MMP12: variants seen among roughly 807,000 people sequenced by gnomAD.
The protein encoded by MMP12 is macrophage metalloelastase.
In MMP12, 51 loss-of-function variants were observed where a neutral mutation model predicts 45.2. The ratio of observed to expected loss-of-function variants is 1.13; its 90% CI spans 0.90 to 1.42. The LOEUF (loss-of-function observed/expected upper bound fraction) is 1.42. Among genes scored for constraint, MMP12 ranks in the 40% most tolerant of loss-of-function variants. The probability of loss-of-function intolerance (pLI) is 0.00; values close to 1 mark genes in which losing one functional copy is unlikely to be tolerated. For missense variants in MMP12, 530 were observed against 570.8 expected, an observed-to-expected ratio of 0.93 and a Z score of 0.73; for synonymous variants, 210 against 193.3, an observed-to-expected ratio of 1.09 and a Z score of -0.72.
At position 102,866,527 on chromosome 11, in the gene MMP12, T is replaced by C. The variant is rs1555008591; in HGVS notation, c.912-79A>G. ...ATGGCATGTGAATGGGAGGGAACTG[T>C]GAAAAGACCCAATATTTCTTTCCAT... On this transcript the variant is annotated intron_variant, in intron 6 of 9. Coordinates refer to ENST00000571244, the MANE Select transcript of MMP12 (RefSeq NM_002426.6). 3 of 1,422,620 alleles carry C rather than the reference T, an allele frequency of 2.1e-6. No homozygotes were observed. In the African/African-American group the frequency reaches 4.3e-5, roughly 20 times the overall value. The allele number at this position is 1,422,620 out of a possible 1,614,324, so 88.1% of individuals were successfully genotyped here. A position where few individuals can be genotyped will look rare whatever the true frequency, so the allele number is the denominator to read the frequency against.
Position 102,867,936 on chromosome 11 carries a change from A to C in MMP12, c.759T>G (p.Asp253Glu). 6.2e-7 allele frequency: 1 copy of C among 1,610,584 alleles called. No homozygotes were observed. The highest frequency in any genetic ancestry group is 8.5e-7 in the Non-Finnish European group (1 of 1,178,556). Residue 253 changes from aspartate to glutamate, a missense_variant, in exon 5 of 10, where the codon GAT (aspartate) becomes GAG (glutamate). Coordinates refer to ENST00000571244, the MANE Select transcript of MMP12 (RefSeq NM_002426.6). ...VDINTFRLSADDIRGIQSLYG... is the reference protein window; with the variant it reads ...VDINTFRLSAEDIRGIQSLYG... ...ACAGGGACTGAATGCCACGTATGTC[A>C]TCAGCAGAGAGGCGAAATGTGTTGA...
At chr11:102,869,958 C>A (rs782563069) in intron 4 of MMP12, among the ~76,000 whole-genome samples, 1 of 152,016 alleles carries the variant, frequency 6.6e-6, no homozygotes, top group African/African-American at 2.4e-5. Context: ...ACAACAAAAA[C>A]GGCTGAAAAT....
intron 4 of MMP12, 95 bp downstream of exon 4, chr11:102,871,499 T>C (rs1859494327): frequency 7.0e-7 from 1 of 1,438,558 alleles, no homozygotes; most frequent in Admixed American, 2.2e-5. Flanking sequence ...GAATGTAGTC[T>C]CTCGAAACCA....
intron 2 of MMP12, 40 bp downstream of exon 2, chr11:102,872,825 G>A (rs1859524861): frequency 1.2e-6 from 2 of 1,603,782 alleles, no homozygotes; most frequent in South Asian, 2.2e-5. Flanking sequence ...CAGACCTATG[G>A]GAAAGTAGAA....
chr11:102,873,636 G>A (rs1591122951), intron 1 of MMP12, among the ~76,000 whole-genome samples: 2 of 152,050 alleles, frequency 1.3e-5, no homozygotes, highest in South Asian at 4.2e-4. Flanking sequence ...AAAAAACAAA[G>A]ACATGTCATA....
chr11:102,871,983 A>T (rs1555009456), intron 2 of MMP12, 31 bp from the exon 3 acceptor site: 2 of 1,577,136 alleles, frequency 1.3e-6, no homozygotes, highest in Admixed American at 1.9e-5. Context: ...AGAAAAATGT[A>T]TGGAAGGCAG....
At chr11:102,866,554 G>A in intron 6 of MMP12, 106 bp from the exon 7 acceptor site, 4 of 1,123,292 alleles carry the variant, frequency 3.6e-6, no homozygotes, top group Middle Eastern at 2.0e-4. Context: ...TCTTTCCATT[G>A]TCTTCACATT....
At chr11:102,868,167 T>G in intron 4 of MMP12, 98 bp from the exon 5 acceptor site, 1 of 1,096,070 alleles carries the variant, frequency 9.1e-7, no homozygotes, top group Non-Finnish European at 1.3e-6. Flanking sequence ...TTTGAGAATC[T>G]TTTACTTATT....
chr11:102,863,701 G>A (rs1392111307), intron 9 of MMP12, among the ~76,000 whole-genome samples: 2 of 152,146 alleles, frequency 1.3e-5, no homozygotes, highest in Admixed American at 6.5e-5. Context: ...ACAAACTCAA[G>A]CTTTTCTTAA....
At chr11:102,864,618 T>A (rs1555008261) in intron 8 of MMP12, among the ~76,000 whole-genome samples, 1 of 152,144 alleles carries the variant, frequency 6.6e-6, no homozygotes. Context: ...AAATACCCAT[T>A]TCCCCCAAGA....
intron 4 of MMP12, 25 bp downstream of exon 4, chr11:102,871,569 T>G: frequency 6.5e-7 from 1 of 1,548,468 alleles, no homozygotes; most frequent in Non-Finnish European, 8.7e-7. Flanking sequence ...AGTTTTTTGT[T>G]TGTTTGTTTG....
At chr11:102,872,648 A>G (rs1859521611) in intron 2 of MMP12, among the ~76,000 whole-genome samples, 1 of 152,160 alleles carries the variant, frequency 6.6e-6, no homozygotes, top group South Asian at 2.1e-4. Flanking sequence ...GCCTATTTGC[A>G]GCTTTTAAAA....
intron 4 of MMP12, among the ~76,000 whole-genome samples, chr11:102,869,581 T>C (rs532706817): frequency 6.6e-6 from 1 of 152,184 alleles, no homozygotes; most frequent in Admixed American, 6.5e-5. Context: ...TCAGCAAACA[T>C]TGACCTATTT....
chr11:102,871,748 T>C (rs1296820165), intron 3 of MMP12, 29 bp from the exon 4 acceptor site: 1 of 1,613,420 alleles, frequency 6.2e-7, no homozygotes, highest in Non-Finnish European at 8.5e-7. Context: ...AAATTAGTCC[T>C]TCTATACATC....
In MMP12 at chr11:102,865,775, C is replaced by A; in HGVS notation, c.1205+1G>T. 1 of 1,607,622 alleles carries A rather than the reference C, an allele frequency of 6.2e-7. No individual in the cohort carries two copies. The highest frequency in any genetic ancestry group is 1.1e-5 in the South Asian group (1 of 89,912). On this transcript the variant is annotated splice_donor_variant, in intron 8 of 9. Coordinates refer to ENST00000571244, the MANE Select transcript of MMP12 (RefSeq NM_002426.6). LOFTEE classifies it high-confidence loss of function. This position sits in a 1 kb window ranked among gnomAD's most constrained non-coding sequence, Gnocchi z 4.1. ...TCGAATGACCAACCATTAAAACTCA[C>A]CTCCAATACTGGTTATCTACAAAGA...
Position 102,873,625 on chromosome 11 carries a change from A to T in MMP12, c.103-513T>A, listed in dbSNP as rs148831267. Among the ~76,000 whole-genome samples the T allele has an allele frequency of 1.8e-4, 27 of 152,226 alleles. No homozygotes were observed. In the East Asian group the frequency reaches 5.0e-3, roughly 28 times the overall value. On this transcript the variant is annotated intron_variant, in intron 1 of 9. Coordinates refer to ENST00000571244, the MANE Select transcript of MMP12 (RefSeq NM_002426.6). The stretch of plus-strand genomic sequence containing the variant: ...AAAAAAAAGAAAAACAAAAACAAAC[A>T]AAAAAACAAAGACATGTCATAAACT...
chr11:102,867,995 C>A lies in MMP12; in HGVS notation c.700G>T (p.Ala234Ser), dbSNP rs1555008834. 6.2e-7 allele frequency: 1 copy of A among 1,606,936 alleles called. No homozygotes were observed. The highest frequency in any genetic ancestry group is 1.1e-5 in the South Asian group (1 of 89,142). ...TATTTGTAGGTGGGGAACATTACGG[C>A]CTTTGGATCACTAGAATGGCCAAGA... ...LGLGHSSDPK[A>S]VMFPTYKYVD... Residue 234 changes from alanine to serine, a missense_variant, in exon 5 of 10, where the codon GCC (alanine) becomes TCC (serine). Coordinates refer to ENST00000571244, the MANE Select transcript of MMP12 (RefSeq NM_002426.6).
chr11:102,865,708 T>C lies in MMP12; in HGVS notation c.1205+68A>G. 7.3e-7 allele frequency: 1 copy of C among 1,370,138 alleles called. No individual in the cohort carries two copies. The highest frequency in any genetic ancestry group is 9.8e-7 in the Non-Finnish European group (1 of 1,018,256). The allele number at this position is 1,370,138 out of a possible 1,614,324, so 84.9% of individuals were successfully genotyped here. On this transcript the variant is annotated intron_variant, in intron 8 of 9. Transcript: ENST00000571244. This position sits in a 1 kb window ranked among gnomAD's most constrained non-coding sequence, Gnocchi z 4.1. Reference sequence around the variant, plus strand: ...GGGAATTTGCGCAGAAAATGTGCCTTCTAGAAAGCCTCATTCCATATCTGT... The same window carrying C: ...GGGAATTTGCGCAGAAAATGTGCCTCCTAGAAAGCCTCATTCCATATCTGT...
intron 9 of MMP12, among the ~76,000 whole-genome samples, chr11:102,863,526 A>G (rs1859329818): frequency 6.6e-6 from 1 of 152,206 alleles, no homozygotes; most frequent in Non-Finnish European, 1.5e-5. Context: ...ACCAACAGCC[A>G]GTCATACTCC....
Sources: allele counts gnomAD v4.1 joint callset (sites outside exome capture counted in the v4.1 genomes callset), GRCh38; gene constraint gnomAD v4.1.1; non-coding constraint Gnocchi (gnomAD v3.1); transcripts MANE v1.5; gene names NCBI Gene and HGNC (gene_info 2026-07-23, HGNC 2026-07-21).